The following SNTG1 variants were observed in gnomAD, a reference collection of about 807,000 sequenced individuals.
The protein encoded by SNTG1 is syntrophin gamma 1.
In SNTG1, 39 loss-of-function variants were observed where a neutral mutation model predicts 74.7. The ratio of observed to expected loss-of-function variants is 0.52; its 90% confidence interval spans 0.40 to 0.68. The LOEUF (loss-of-function observed/expected upper bound fraction) is 0.68, where lower values mean the gene tolerates loss of function less well. SNTG1 is among the 30% of genes least tolerant of loss of function. The pLI is 0.00. For missense variants in SNTG1, 685 were observed against 609.5 expected, an observed-to-expected ratio of 1.12 and a Z score of -1.30; for synonymous variants, 254 against 217.1, an observed-to-expected ratio of 1.17 and a Z score of -1.49.
intron 1 of SNTG1, among the ~76,000 whole-genome samples, chr8:49,942,918 ATAGTCACTATGAGGATT>A (rs979420125): frequency 1.3e-5 from 2 of 152,192 alleles, no homozygotes; most frequent in African/African-American, 4.8e-5. Context: ...TCTTTGGAAA[ATAGTCACTATGAGGATT>A]TAGGCTTCAT....
chr8:49,995,473 C>T (rs1814116697), intron 1 of SNTG1, among the ~76,000 whole-genome samples: 1 of 152,106 alleles, frequency 6.6e-6, no homozygotes, highest in African/African-American at 2.4e-5. Flanking sequence ...GCTAAGAACC[C>T]AGTGGAGTCT....
At chr8:50,336,112 T>C (rs1371756638) in intron 2 of SNTG1, among the ~76,000 whole-genome samples, 1 of 152,186 alleles carries the variant, frequency 6.6e-6, no homozygotes, top group Non-Finnish European at 1.5e-5. Flanking sequence ...ATATGAATTT[T>C]ATCCACATTC....
intron 2 of SNTG1, among the ~76,000 whole-genome samples, chr8:50,270,117 G>T (rs1438597945): frequency 7.9e-5 from 12 of 152,132 alleles, no homozygotes; most frequent in Admixed American, 7.9e-4. Context: ...GAAAACATGA[G>T]CTAGCAGAAT....
At chr8:50,601,152 CAAAAAAAAAAAAAAAAAAA>C (rs71235311) in intron 13 of SNTG1, among the ~76,000 whole-genome samples, 2 of 31,442 alleles carry the variant, frequency 6.4e-5, no homozygotes, top group Non-Finnish European at 9.4e-5. Flanking sequence ...GCCAGCGAGA[CAAAAAAAAAAAAAAAAAAA>C]AAAAAAAAAA....
chr8:50,693,665 C>G (rs1438313743), intron 15 of SNTG1, among the ~76,000 whole-genome samples: 4 of 152,152 alleles, frequency 2.6e-5, no homozygotes, highest in Non-Finnish European at 4.4e-5. Flanking sequence ...AATACACATT[C>G]TGCTCAAGCA....
chr8:50,510,802 C>A (rs2094064414), intron 9 of SNTG1, among the ~76,000 whole-genome samples: 1 of 151,990 alleles, frequency 6.6e-6, no homozygotes, highest in South Asian at 2.1e-4. Flanking sequence ...TGATTCTTCT[C>A]TCTTTTCTTC....
intron 1 of SNTG1, among the ~76,000 whole-genome samples, chr8:49,994,416 C>T (rs1375941242): frequency 1.7e-4 from 21 of 125,334 alleles, no homozygotes; most frequent in African/African-American, 4.1e-4. Context: ...CCACCATGCC[C>T]GGCTATTTTT....
chr8:49,917,431 G>A (rs1361606152), intron 1 of SNTG1, among the ~76,000 whole-genome samples: 2 of 152,134 alleles, frequency 1.3e-5, no homozygotes, highest in Non-Finnish European at 2.9e-5. Flanking sequence ...TATAGAAATG[G>A]CATTAATGAC....
At chr8:50,114,943 T>G (rs1411196315) in intron 1 of SNTG1, among the ~76,000 whole-genome samples, 1 of 152,138 alleles carries the variant, frequency 6.6e-6, no homozygotes, top group Non-Finnish European at 1.5e-5. Context: ...AGTTTGATTG[T>G]GATTATTATA....
chr8:50,159,821 T>C (rs2082361758), intron 1 of SNTG1, among the ~76,000 whole-genome samples: 3 of 152,116 alleles, frequency 2.0e-5, no homozygotes, highest in African/African-American at 7.2e-5. Context: ...GTCTTACAGG[T>C]TCCATTATAT....
chr8:50,339,630 T>C (rs2091259643), intron 2 of SNTG1, among the ~76,000 whole-genome samples: 1 of 151,528 alleles, frequency 6.6e-6, no homozygotes, highest in African/African-American at 2.4e-5. Flanking sequence ...CTAAAGTAAA[T>C]TGAAAATATA....
chr8:50,437,200 T>C (rs984829761), intron 4 of SNTG1, among the ~76,000 whole-genome samples: 1 of 152,168 alleles, frequency 6.6e-6, no homozygotes, highest in Non-Finnish European at 1.5e-5. Flanking sequence ...TTTTATCGAA[T>C]GCTACTCATT....
intron 10 of SNTG1, among the ~76,000 whole-genome samples, chr8:50,536,001 T>A (rs2094304474): frequency 6.6e-6 from 1 of 152,056 alleles, no homozygotes; most frequent in African/African-American, 2.4e-5. Flanking sequence ...AAGCCCAAAT[T>A]TTATCAAATA....
At chr8:50,421,954 A>C (rs957679441) in intron 4 of SNTG1, among the ~76,000 whole-genome samples, 1 of 152,194 alleles carries the variant, frequency 6.6e-6, no homozygotes, top group Non-Finnish European at 1.5e-5. Flanking sequence ...GGGAGAAAGG[A>C]GGAAGATTGA....
chr8:50,664,506 TG>T (rs2095241106), intron 15 of SNTG1, among the ~76,000 whole-genome samples: 1 of 152,170 alleles, frequency 6.6e-6, no homozygotes, highest in African/African-American at 2.4e-5. Context: ...CCTATATTTT[TG>T]GGGGGCTGTG....
In SNTG1 at chr8:50,119,854, C is replaced by T. The variant is rs141573499; in HGVS notation, c.-102-52707C>T. Among the ~76,000 whole-genome samples, 130 of 142,098 alleles carry T rather than the reference C, an allele frequency of 9.1e-4. 15 individuals are homozygous for T. The highest frequency in any genetic ancestry group is 7.7e-3 in the East Asian group (38 of 4,948). The allele number at this position is 142,098 out of a possible 152,430, so 93.2% of individuals were successfully genotyped here. On this transcript the variant is annotated intron_variant, in intron 1 of 18. Transcript: ENST00000642720. The stretch of plus-strand genomic sequence containing the variant: ...AATACGCTAGAATAATACAAGCATG[C>T]TTGCTGTTACAGGAAAGTGCAATAC...
chr8:50,788,718 C>T (rs2095682874), intron 18 of SNTG1, among the ~76,000 whole-genome samples: 4 of 152,004 alleles, frequency 2.6e-5, no homozygotes. Context: ...CTCAACACTT[C>T]CTGCTTTATC....
rs1168477384 is a variant in SNTG1, at chr8:50,183,023, C to T, written c.-28+10388C>T. ...CCAAGTGGTGGCCAACTTTACATTA[C>T]ATCCTCTCACGGTTTGCCCCAACTG... On this transcript the variant is annotated intron_variant, in intron 2 of 18. Coordinates refer to ENST00000642720, the MANE Select transcript of SNTG1 (RefSeq NM_018967.5). 2.0e-5 allele frequency among the ~76,000 whole-genome samples: 3 copies of T among 152,248 alleles called. No individual in the cohort carries two copies. In the East Asian group the frequency reaches 5.8e-4, roughly 30 times the overall value.
chr8:50,065,224 A>T (rs1820808453), intron 1 of SNTG1, among the ~76,000 whole-genome samples: 1 of 152,210 alleles, frequency 6.6e-6, no homozygotes, highest in South Asian at 2.1e-4. Flanking sequence ...TAGTTAATAA[A>T]ATGTGATACA....
Sources: gnomAD v4.1 joint callset for allele counts (sites outside exome capture counted in the v4.1 genomes callset) on GRCh38, gnomAD v4.1.1 for gene constraint, MANE v1.5 for transcripts, NCBI Gene and HGNC (gene_info 2026-07-23, HGNC 2026-07-21) for gene names.